ALK: variants seen among roughly 807,000 people sequenced by gnomAD.
ALK encodes the protein ALK tyrosine kinase receptor.
ALK carries 74 observed loss-of-function variants against 163.1 expected under a neutral mutation model. The observed-to-expected ratio is 0.45, with a 90% CI of 0.38 to 0.55. The LOEUF (loss-of-function observed/expected upper bound fraction) is 0.55, where lower values mean the gene tolerates loss of function less well. ALK is among the 20% of genes least tolerant of loss of function. ALK has a pLI of 0.00. For synonymous variants in ALK, 960 were observed against 843.2 expected, an observed-to-expected ratio of 1.14 and a Z score of -2.40; for missense variants, 2,063 against 2,105.3, an observed-to-expected ratio of 0.98 and a Z score of 0.39.
intron 3 of ALK, among the ~76,000 whole-genome samples, chr2:29,671,455 C>G (rs924040195): frequency 6.6e-6 from 1 of 152,038 alleles, no homozygotes; most frequent in Non-Finnish European, 1.5e-5. Flanking sequence ...TTTGCCTATG[C>G]CCATCCTTAG....
Position 29,348,910 on chromosome 2 carries a change from G to A in ALK, c.1283-20429C>T, listed in dbSNP as rs558987271. 1.3e-3 allele frequency among the ~76,000 whole-genome samples: 197 copies of A among 152,330 alleles called. 1 individual carries two copies. The highest frequency in any genetic ancestry group is 4.6e-3 in the African/African-American group (191 of 41,582). ...GACCTTTCAGTGGCTCTGACGACAC[G>A]CTGTCTGAGTTTAACTGTTGGCTCC... On this transcript the variant is annotated intron_variant, in intron 5 of 28. Transcript: ENST00000389048.
intron 3 of ALK, among the ~76,000 whole-genome samples, chr2:29,600,681 G>A (rs146938792): frequency 2.0e-5 from 3 of 152,320 alleles, no homozygotes; most frequent in Admixed American, 6.5e-5. Context: ...GGCCCTGAGA[G>A]CTCAGAGGAT....
At chr2:29,205,411 AAAAC>A (rs1263989287) in intron 26 of ALK, among the ~76,000 whole-genome samples, 1 of 152,166 alleles carries the variant, frequency 6.6e-6, no homozygotes, top group African/African-American at 2.4e-5. Context: ...ACTGTTGTAA[AAAAC>A]AAAACCAACC....
chr2:29,206,745 G>A (rs868597677), intron 26 of ALK, among the ~76,000 whole-genome samples: 1 of 151,512 alleles, frequency 6.6e-6, no homozygotes, highest in Non-Finnish European at 1.5e-5. Flanking sequence ...GTTCTTGCAG[G>A]GTTTAATGCA....
intron 1 of ALK, among the ~76,000 whole-genome samples, chr2:29,842,471 GTTC>G (rs1665726363): frequency 6.6e-6 from 1 of 152,180 alleles, no homozygotes; most frequent in Admixed American, 6.5e-5. Flanking sequence ...CCACATGTCT[GTTC>G]TTCTTCCCAC....
chr2:29,598,365 T>G (rs201850236), intron 3 of ALK, among the ~76,000 whole-genome samples: 5 of 151,424 alleles, frequency 3.3e-5, no homozygotes, highest in Non-Finnish European at 7.4e-5. Context: ...GTTGTTTGTT[T>G]TTTGTTTGTT....
intron 3 of ALK, among the ~76,000 whole-genome samples, chr2:29,674,351 C>G (rs929346763): frequency 2.0e-5 from 3 of 151,572 alleles, no homozygotes; most frequent in Non-Finnish European, 4.4e-5. Flanking sequence ...TACGTCCCAT[C>G]AATACCTAAT....
chr2:29,374,395 C>T (rs2148295148), intron 5 of ALK, among the ~76,000 whole-genome samples: 1 of 151,228 alleles, frequency 6.6e-6, no homozygotes, highest in South Asian at 2.1e-4. Flanking sequence ...CTCTCTCCTA[C>T]ATTGGAATAA....
chr2:29,381,575 T>A (rs7598669), intron 5 of ALK, among the ~76,000 whole-genome samples: 6,470 of 152,296 alleles, frequency 0.042, 158 homozygotes, highest in African/African-American at 0.051. Flanking sequence ...TTGTGCTCCA[T>A]CTGTGCCTCA....
At chr2:29,895,938 C>T (rs1667256784) in intron 1 of ALK, among the ~76,000 whole-genome samples, 1 of 152,170 alleles carries the variant, frequency 6.6e-6, no homozygotes, top group Non-Finnish European at 1.5e-5. Context: ...CCCTACATTC[C>T]CCACAACCTG....
At chr2:29,329,811 A>G (rs1355386647) in intron 5 of ALK, among the ~76,000 whole-genome samples, 1 of 152,230 alleles carries the variant, frequency 6.6e-6, no homozygotes, top group African/African-American at 2.4e-5. Context: ...GAATTTCTCC[A>G]TCTACTTTAG....
intron 9 of ALK, among the ~76,000 whole-genome samples, chr2:29,293,405 C>T (rs1444934192): frequency 6.6e-6 from 1 of 152,038 alleles, no homozygotes; most frequent in Non-Finnish European, 1.5e-5. Context: ...ACAATCCCTA[C>T]CTTGTTAGTT....
At chr2:29,218,149 C>T (rs1468792218) in intron 23 of ALK, among the ~76,000 whole-genome samples, 1 of 152,216 alleles carries the variant, frequency 6.6e-6, no homozygotes, top group African/African-American at 2.4e-5. Context: ...CCAAGGATCC[C>T]AGGAAGGACA....
chr2:29,846,810 C>T (rs1241907413), intron 1 of ALK, among the ~76,000 whole-genome samples: 3 of 152,204 alleles, frequency 2.0e-5, no homozygotes, highest in Non-Finnish European at 4.4e-5. Context: ...CTTTTACATA[C>T]ATCTTTTGAT....
chr2:29,711,937 T>C (rs1679116590), intron 2 of ALK, among the ~76,000 whole-genome samples: 1 of 152,206 alleles, frequency 6.6e-6, no homozygotes, highest in African/African-American at 2.4e-5. Flanking sequence ...TGGTCATTCA[T>C]TCTCTTATTA....
At chr2:29,687,298 G>A (rs1312883867) in intron 3 of ALK, among the ~76,000 whole-genome samples, 1 of 151,768 alleles carries the variant, frequency 6.6e-6, no homozygotes. Flanking sequence ...GAAAGAGGTA[G>A]GGGGTGGGGT....
chr2:29,233,834 T>A, intron 13 of ALK, 138 bp from the exon 14 acceptor site: 1 of 1,070,162 alleles, frequency 9.3e-7, no homozygotes, highest in Non-Finnish European at 1.4e-6. Context: ...GGCAGAAAAA[T>A]ATACCAATAA....
At chr2:29,543,747 C>T (rs11693439) in intron 3 of ALK, among the ~76,000 whole-genome samples, 18,295 of 152,232 alleles carry the variant, frequency 0.12, 1,456 homozygotes, top group Non-Finnish European at 0.18. Context: ...TGGGCTCTGG[C>T]CACTTTGTTT....
At chr2:29,202,972 C>T (rs1473712061) in intron 26 of ALK, among the ~76,000 whole-genome samples, 1 of 152,192 alleles carries the variant, frequency 6.6e-6, no homozygotes, top group East Asian at 1.9e-4. Flanking sequence ...AGGACAATTA[C>T]TTAATTGCTT....
Sources: allele counts gnomAD v4.1 joint callset (sites outside exome capture counted in the v4.1 genomes callset), GRCh38; gene constraint gnomAD v4.1.1; transcripts MANE v1.5; gene names NCBI Gene and HGNC (gene_info 2026-07-23, HGNC 2026-07-21).